Variants in DGKG observed in about 807,000 individuals in gnomAD.
The protein encoded by DGKG is DAG kinase gamma.
In DGKG, 78 loss-of-function variants were observed where a neutral mutation model predicts 105.3. That is an observed-to-expected ratio of 0.74 (90% CI 0.62 to 0.89). The LOEUF (loss-of-function observed/expected upper bound fraction) is 0.89. Among genes scored for constraint, DGKG ranks in the 40% least tolerant of loss-of-function variants. The probability of loss-of-function intolerance (pLI) is 0.00; values close to 1 mark genes in which losing one functional copy is unlikely to be tolerated. For missense variants in DGKG, 958 were observed against 1,020.1 expected (o/e 0.94, Z 0.83); for synonymous variants, 346 against 367.1 (o/e 0.94, Z 0.66).
At position 186,210,773 on chromosome 3, in the gene DGKG, C is replaced by G; in HGVS notation, c.1917+1022G>C. ...GCTGGTGGGCCAAGAGGAGCCCACC[C>G]TGGCTGAACTCTCTGGCTGCCTCTT... On this transcript the variant is annotated intron_variant, in intron 21 of 24. Transcript: ENST00000265022. This position sits in a 1 kb window ranked among gnomAD's most constrained non-coding sequence, Gnocchi z 5.2. 2 of 341,036 alleles carry G rather than the reference C, an allele frequency of 5.9e-6. No individual in the cohort carries two copies. Among genetic ancestry groups the G allele is most frequent in the South Asian group, 4.2e-5 (2 of 48,090 alleles). The allele number at this position is 341,036 out of a possible 1,614,324, so 21.1% of individuals were successfully genotyped here. A position where few individuals can be genotyped will look rare whatever the true frequency, so the allele number is the denominator to read the frequency against.
intron 20 of DGKG, among the ~76,000 whole-genome samples, chr3:186,232,590 A>C (rs1417221649): frequency 6.6e-6 from 1 of 152,220 alleles, no homozygotes; most frequent in Non-Finnish European, 1.5e-5. Context: ...CATGATGGGA[A>C]TATGAGTGAT....
intron 1 of DGKG, among the ~76,000 whole-genome samples, chr3:186,339,517 A>G (rs1725988557): frequency 1.3e-5 from 2 of 152,210 alleles, no homozygotes; most frequent in African/African-American, 4.8e-5. Context: ...TTTTCATGCT[A>G]TGAGATTATG....
chr3:186,278,148 CT>C (rs1722668724), intron 9 of DGKG, among the ~76,000 whole-genome samples: 1 of 151,976 alleles, frequency 6.6e-6, no homozygotes, highest in Non-Finnish European at 1.5e-5. Context: ...GACAGCGGGT[CT>C]TTTCCATGCA....
chr3:186,233,144 T>G (rs1720234438), intron 20 of DGKG, among the ~76,000 whole-genome samples: 1 of 152,134 alleles, frequency 6.6e-6, no homozygotes, highest in South Asian at 2.1e-4. Context: ...AGAGTTTAAG[T>G]TGCCAGTCAA....
At chr3:186,357,930 G>A (rs1453270487) in intron 1 of DGKG, among the ~76,000 whole-genome samples, 3 of 152,216 alleles carry the variant, frequency 2.0e-5, no homozygotes, top group East Asian at 3.8e-4. Flanking sequence ...TGGTGTGACC[G>A]AGGAACTGAA....
At chr3:186,218,334 C>A (rs1373898667) in intron 20 of DGKG, among the ~76,000 whole-genome samples, 1 of 151,678 alleles carries the variant, frequency 6.6e-6, no homozygotes, top group East Asian at 1.9e-4. Context: ...GAAACCCTGT[C>A]TCTACTAAAA....
chr3:186,259,738 G>A (rs1466037561), intron 16 of DGKG, among the ~76,000 whole-genome samples: 2 of 151,986 alleles, frequency 1.3e-5, no homozygotes, highest in Non-Finnish European at 2.9e-5. Context: ...GGCCCGGACT[G>A]GGAGGAAGCC....
intron 21 of DGKG, among the ~76,000 whole-genome samples, chr3:186,201,475 G>A (rs961784373): frequency 6.6e-6 from 1 of 152,290 alleles, no homozygotes. Flanking sequence ...TCTGTTGGGT[G>A]GGAAAGAGGT....
intron 2 of DGKG, among the ~76,000 whole-genome samples, chr3:186,314,713 C>G (rs553346208): frequency 6.8e-6 from 1 of 148,120 alleles, no homozygotes; most frequent in Non-Finnish European, 1.5e-5. Context: ...GAGATCGCGC[C>G]GCTGCACTCC....
intron 9 of DGKG, among the ~76,000 whole-genome samples, chr3:186,278,488 G>A (rs1285303594): frequency 2.0e-5 from 3 of 152,072 alleles, no homozygotes; most frequent in Non-Finnish European, 4.4e-5. Context: ...ATGTCCTTGG[G>A]CAAGTTCCTT....
At chr3:186,244,699 G>C (rs767763469) in intron 19 of DGKG, among the ~76,000 whole-genome samples, 3 of 152,130 alleles carry the variant, frequency 2.0e-5, no homozygotes, top group Non-Finnish European at 2.9e-5. Flanking sequence ...GAGCCACCAG[G>C]CCTGGCCAAT....
Position 186,299,751 on chromosome 3 carries a change from CT to C in DGKG, c.145-1523del, listed in dbSNP as rs1287847430. On this transcript the variant is annotated intron_variant, in intron 3 of 24. Coordinates refer to ENST00000265022, the MANE Select transcript of DGKG (RefSeq NM_001346.3). ...AAATCTTTTCTTCCTCCTCTCTTTTCTTTTTTTCTTCTTTTCTCTTTCTTTC... is the reference window on the plus strand; with the variant it reads ...AAATCTTTTCTTCCTCCTCTCTTTTCTTTTTTCTTCTTTTCTCTTTCTTTC... 7.4e-4 allele frequency among the ~76,000 whole-genome samples: 112 copies of C among 150,350 alleles called. 1 individual carries two copies. The South Asian group carries it at 0.014, about 19-fold the overall frequency.
In DGKG at chr3:186,302,051, A is replaced by G. The variant is rs150790611; in HGVS notation, c.145-3822T>C. Among the ~76,000 whole-genome samples, 14 of 152,138 alleles carry G rather than the reference A, an allele frequency of 9.2e-5. No individual in the cohort carries two copies. The East Asian group carries it at 2.3e-3, about 25-fold the overall frequency. On this transcript the variant is annotated intron_variant, in intron 3 of 24. Transcript: ENST00000265022. ...AGTTCCAGTCATGCTTTAAGGCCCA[A>G]CCCGGATTCCACTTTTTCCAGAAAG...
chr3:186,168,252 C>T (rs1252695222), intron 22 of DGKG, among the ~76,000 whole-genome samples: 1 of 152,192 alleles, frequency 6.6e-6, no homozygotes, highest in Non-Finnish European at 1.5e-5. Context: ...GGAAGAGGGT[C>T]TCTGGGCCAG....
chr3:186,279,131 A>C (rs191022963), intron 9 of DGKG: 1 of 152,278 alleles, frequency 6.6e-6, no homozygotes, highest in African/African-American at 2.4e-5. Flanking sequence ...TCTCCAAGCC[A>C]TAAACTCTCT....
intron 24 of DGKG, among the ~76,000 whole-genome samples, chr3:186,153,478 G>A (rs1715872665): frequency 6.6e-6 from 1 of 152,186 alleles, no homozygotes; most frequent in Non-Finnish European, 1.5e-5. Flanking sequence ...ACCTGGCCAA[G>A]TGCTAAGATC....
Position 186,210,781 on chromosome 3 carries a change from A to C in DGKG, c.1917+1014T>G. 3.0e-6 allele frequency: 1 copy of C among 337,352 alleles called. No homozygotes were observed. The highest frequency in any genetic ancestry group is 4.0e-5 in the Admixed American group (1 of 24,762). 20.9% of individuals were successfully genotyped at this position (337,352 alleles called of 1,614,324 possible). ...GCCAAGAGGAGCCCACCCTGGCTGA[A>C]CTCTCTGGCTGCCTCTTCCACTTAT... On this transcript the variant is annotated intron_variant, in intron 21 of 24. Coordinates refer to ENST00000265022, the MANE Select transcript of DGKG (RefSeq NM_001346.3). This position sits in a 1 kb window ranked among gnomAD's most constrained non-coding sequence, Gnocchi z 5.2.
Position 186,190,304 on chromosome 3 carries a change from T to A in DGKG, c.1918-1925A>T, listed in dbSNP as rs569181284. On this transcript the variant is annotated intron_variant, in intron 21 of 24. Coordinates refer to ENST00000265022, the MANE Select transcript of DGKG (RefSeq NM_001346.3). ...TTTTCCCATCCCGGCTTCCCTGTTT[T>A]GCACACACTCTAGTTTGTTACCCTG... 3.0e-4 allele frequency among the ~76,000 whole-genome samples: 46 copies of A among 152,298 alleles called. 1 individual carries two copies. In the South Asian group the frequency reaches 8.3e-3, roughly 27 times the overall value.
chr3:186,213,474 T>G (rs1207008620), intron 20 of DGKG, among the ~76,000 whole-genome samples: 4 of 152,258 alleles, frequency 2.6e-5, no homozygotes. Context: ...GTTCTCTGCA[T>G]GCACAGTCAT....
Sources: gnomAD v4.1 joint callset for allele counts (sites outside exome capture counted in the v4.1 genomes callset) on GRCh38, gnomAD v4.1.1 for gene constraint, Gnocchi (gnomAD v3.1) non-coding constraint, MANE v1.5 for transcripts, NCBI Gene and HGNC (gene_info 2026-07-23, HGNC 2026-07-21) for gene names.